Variants in VWF observed in about 807,000 individuals in gnomAD.
VWF encodes Factor VIII related antigen.
In VWF, 176 loss-of-function variants were observed where a neutral mutation model predicts 308.6. The ratio of observed to expected loss-of-function variants is 0.57; its 90% CI spans 0.50 to 0.65. The LOEUF (loss-of-function observed/expected upper bound fraction) is 0.65. VWF is among the 30% of genes least tolerant of loss of function. The pLI, the probability that VWF is intolerant of heterozygous loss-of-function variation, is 0.00. For synonymous variants in VWF, 1,385 were observed against 1,443.4 expected (o/e 0.96, Z 0.92); for missense variants, 3,146 against 3,648.2 (o/e 0.86, Z 3.55).
intron 34 of VWF, among the ~76,000 whole-genome samples, chr12:6,006,713 A>T (rs989442231): frequency 7.2e-5 from 11 of 152,186 alleles, no homozygotes; most frequent in African/African-American, 2.7e-4. Flanking sequence ...CGGGAGGCAG[A>T]GGTTGCAGTG....
intron 3 of VWF, among the ~76,000 whole-genome samples, chr12:6,112,726 G>A (rs897443892): frequency 6.6e-6 from 1 of 152,002 alleles, no homozygotes; most frequent in African/African-American, 2.4e-5. Context: ...GAGGAGCTGG[G>A]GCAGAGGTCT....
intron 6 of VWF, among the ~76,000 whole-genome samples, chr12:6,084,751 G>A (rs1318323620): frequency 6.6e-6 from 1 of 152,152 alleles, no homozygotes; most frequent in African/African-American, 2.4e-5. Context: ...TCTGGGATGG[G>A]TGCCCTGCAG....
intron 14 of VWF, among the ~76,000 whole-genome samples, chr12:6,057,566 T>G (rs1202720816): frequency 2.0e-5 from 3 of 148,146 alleles, no homozygotes; most frequent in Non-Finnish European, 4.5e-5. Context: ...CCCAGACTGG[T>G]CTCGAACTCC....
chr12:6,029,315 A>G lies in VWF; in HGVS notation c.2967+27T>C, dbSNP rs369712555. On this transcript the variant is annotated intron_variant, in intron 22 of 51. Transcript: ENST00000261405. Reference sequence around the variant, plus strand: ...AAACACTCCAAAGGCCAAGTCCCCAACAAGATGAAGCAAGAAAGCCACTGA... The same window carrying G: ...AAACACTCCAAAGGCCAAGTCCCCAGCAAGATGAAGCAAGAAAGCCACTGA... 19 of 1,613,848 alleles carry G rather than the reference A, an allele frequency of 1.2e-5. No individual in the cohort carries two copies. The East Asian group carries it at 1.6e-4, about 13-fold the overall frequency.
chr12:6,114,245 C>T (rs191776830), intron 3 of VWF, among the ~76,000 whole-genome samples: 4 of 152,124 alleles, frequency 2.6e-5, no homozygotes, highest in Admixed American at 6.5e-5. Flanking sequence ...GGGTAGGGAA[C>T]GCTTCAGAGG....
At chr12:6,003,512 C>CAA (rs568588923) in intron 34 of VWF, among the ~76,000 whole-genome samples, 9 of 132,504 alleles carry the variant, frequency 6.8e-5, no homozygotes, top group African/African-American at 1.7e-4. Flanking sequence ...TGTTTCACTA[C>CAA]AAAAAAAAAA....
chr12:6,116,787 C>T (rs1945371576), intron 3 of VWF, among the ~76,000 whole-genome samples: 1 of 152,176 alleles, frequency 6.6e-6, no homozygotes, highest in Admixed American at 6.5e-5. Context: ...GGTGGCCCTT[C>T]GTGTGCGTAC....
chr12:6,088,195 T>C (rs1009592753), intron 6 of VWF, among the ~76,000 whole-genome samples: 10 of 152,180 alleles, frequency 6.6e-5, no homozygotes, highest in Non-Finnish European at 1.3e-4. Context: ...AGGGGTGCCT[T>C]TGGCCGGGCG....
intron 14 of VWF, 84 bp downstream of exon 14, chr12:6,057,765 G>A: frequency 1.4e-6 from 2 of 1,469,920 alleles, no homozygotes; most frequent in South Asian, 1.4e-5. Context: ...TCCGCGGTGG[G>A]AGCACTGCCT....
At chr12:6,124,264 G>A (rs2136539134) in intron 1 of VWF, among the ~76,000 whole-genome samples, 157 bp downstream of exon 1, 1 of 152,316 alleles carries the variant, frequency 6.6e-6, no homozygotes, top group East Asian at 1.9e-4. Context: ...AAGTGGAGGA[G>A]GGAGTATTAG....
At chr12:6,034,408 G>T (rs781343336) in intron 20 of VWF, among the ~76,000 whole-genome samples, 15 of 152,214 alleles carry the variant, frequency 9.9e-5, no homozygotes, top group Non-Finnish European at 1.5e-4. Context: ...TGCTAATGTG[G>T]ACTAGCAGTA....
rs145006139 is a variant in VWF at position 6,030,164 on chromosome 12, C to T, written c.2821-676G>A. 7.9e-3 allele frequency among the ~76,000 whole-genome samples: 1,210 copies of T among 152,316 alleles called. 6 individuals are homozygous for T. Among genetic ancestry groups the T allele is most frequent in the Non-Finnish European group, 0.014 (944 of 68,028 alleles). On this transcript the variant is annotated intron_variant, in intron 21 of 51. Transcript: ENST00000261405. ...GGCTGAGGCTGAGAACTGCCATCATCCCTTTGCAGAGGTCCTCTCATTAGT... is the reference window on the plus strand; with the variant it reads ...GGCTGAGGCTGAGAACTGCCATCATTCCTTTGCAGAGGTCCTCTCATTAGT...
chr12:6,016,204 G>A lies in VWF; in HGVS notation c.5340C>T (p.Tyr1780=). ...TGGCACCATGCATTTCTGAAGTCAAGTATCGCACAGCAAAGCCCAAGGCAT... is the reference window on the plus strand; with the variant it reads ...TGGCACCATGCATTTCTGAAGTCAAATATCGCACAGCAAAGCCCAAGGCAT... The part of the protein sequence containing the change: ...IGDALGFAVR[Y]LTSEMHGARP... The change falls in exon 31 of 52, where the codon TAC becomes TAT. Residue 1780 remains tyrosine (Y), a synonymous_variant. Transcript: ENST00000261405. 6.2e-7 allele frequency: 1 copy of A among 1,614,212 alleles called. No homozygotes were observed. Among genetic ancestry groups the A allele is most frequent in the Non-Finnish European group, 8.5e-7 (1 of 1,180,030 alleles).
chr12:6,033,097 C>T lies in VWF; in HGVS notation c.2686-1519G>A, dbSNP rs146756406. Among the ~76,000 whole-genome samples, 281 of 152,358 alleles carry T rather than the reference C, an allele frequency of 1.8e-3. 6 individuals are homozygous for T. The East Asian group carries it at 0.041, about 22-fold the overall frequency. Reference sequence around the variant, plus strand: ...GTCCATACAACACACACAATCTGACCTCTAAGATTCCATTCAACTTAATGG... The same window carrying T: ...GTCCATACAACACACACAATCTGACTTCTAAGATTCCATTCAACTTAATGG... On this transcript the variant is annotated intron_variant, in intron 20 of 51. Transcript: ENST00000261405.
intron 8 of VWF, 111 bp downstream of exon 8, chr12:6,073,508 G>C: frequency 2.7e-6 from 4 of 1,461,778 alleles, no homozygotes; most frequent in Non-Finnish European, 3.8e-6. Flanking sequence ...TTAATAAAAG[G>C]CTTCTGATTT....
At chr12:5,956,635 T>C (rs1943254022) in intron 47 of VWF, among the ~76,000 whole-genome samples, 4 of 148,198 alleles carry the variant, frequency 2.7e-5, no homozygotes, top group Admixed American at 2.0e-4. Context: ...AATGAGACCC[T>C]GTCTCGAAAA....
intron 37 of VWF, among the ~76,000 whole-genome samples, chr12:5,993,547 A>C (rs1943767353): frequency 6.6e-6 from 1 of 152,044 alleles, no homozygotes; most frequent in Non-Finnish European, 1.5e-5. Flanking sequence ...TGTCTGAACT[A>C]TAGAAATACT....
At chr12:5,974,369 C>G (rs528691547) in intron 43 of VWF, among the ~76,000 whole-genome samples, 1 of 152,174 alleles carries the variant, frequency 6.6e-6, no homozygotes, top group Non-Finnish European at 1.5e-5. Context: ...AGCAATCACA[C>G]GGTCAAGAGT....
chr12:6,123,497 C>T (rs149214370), intron 1 of VWF, among the ~76,000 whole-genome samples: 14 of 152,292 alleles, frequency 9.2e-5, no homozygotes, highest in African/African-American at 3.4e-4. Context: ...GCCCGCTGGG[C>T]CTCACATCCC....
Sources: allele counts gnomAD v4.1 joint callset (sites outside exome capture counted in the v4.1 genomes callset), GRCh38; gene constraint gnomAD v4.1.1; transcripts MANE v1.5; gene names NCBI Gene and HGNC (gene_info 2026-07-23, HGNC 2026-07-21).